The following HEATR9 variants were observed in gnomAD, a reference collection of about 807,000 sequenced individuals.
HEATR9 encodes the protein protein HEATR9.
A neutral mutation model predicts 68.2 loss-of-function variants in HEATR9; 54 were observed. The ratio of observed to expected loss-of-function variants is 0.79; its 90% CI spans 0.64 to 0.99. The LOEUF is 0.99. Ranked by LOEUF, HEATR9 falls within the 50% of genes least tolerant of loss-of-function variation. The pLI is 0.00. For missense variants in HEATR9, 662 were observed against 679.7 expected, an observed-to-expected ratio of 0.97 and a Z score of 0.29; for synonymous variants, 241 against 253.5, an observed-to-expected ratio of 0.95 and a Z score of 0.47.
At chr17:35,863,696 A>G in intron 6 of HEATR9, 137 bp from the exon 7 acceptor site, 21 of 888,568 alleles carry the variant, frequency 2.4e-5, no homozygotes, top group South Asian at 1.5e-4. Flanking sequence ...ATTCTCAAAT[A>G]CAGAATACAG....
At position 35,863,519 on chromosome 17, in the gene HEATR9, C is replaced by T. The variant is rs1380913920; in HGVS notation, c.608G>A (p.Arg203Gln). ...GPEKVKYEAY[R>Q]TLAILGCLNK... ...ATACTCACCCAGGATGGCCAGGGTTCGGTAGGCCTCGTACTTCACTTTCTC... is the reference window on the plus strand; with the variant it reads ...ATACTCACCCAGGATGGCCAGGGTTTGGTAGGCCTCGTACTTCACTTTCTC... The change falls in exon 7 of 15, where the codon CGA (arginine) becomes CAA (glutamine). Residue 203 changes from arginine (R) to glutamine (Q), a missense_variant. By Grantham distance (43) the Arg-to-Gln change is conservative. Transcript: ENST00000604834. The T allele has an allele frequency of 3.7e-6, 6 of 1,614,192 alleles. No homozygotes were observed. The highest frequency in any genetic ancestry group is 2.2e-5 in the South Asian group (2 of 91,086).
chr17:35,859,081 G>A lies in HEATR9; in HGVS notation c.757-11C>T, dbSNP rs765604242. ...CCCGACTTGAGTCCTCTGTGAGGGA[G>A]ACAAAATGGCTAAGGGGAGGGGCTA... On this transcript the variant is annotated splice_polypyrimidine_tract_variant and intron_variant, in intron 8 of 14. Coordinates refer to ENST00000604834, the MANE Select transcript of HEATR9 (RefSeq NM_152781.4). 2.5e-6 allele frequency: 4 copies of A among 1,612,588 alleles called. No individual in the cohort carries two copies. In the South Asian group the frequency reaches 3.3e-5, roughly 13 times the overall value.
Position 35,860,462 on chromosome 17 carries a change from ATTTATTTATTTATTTAT to A in HEATR9, c.757-1409_757-1393del, listed in dbSNP as rs1305035537. Among the ~76,000 whole-genome samples, 327 of 130,112 alleles carry A rather than the reference ATTTATTTATTTATTTAT, an allele frequency of 2.5e-3. 1 individual carries two copies. The highest frequency in any genetic ancestry group is 3.9e-3 in the Middle Eastern group (1 of 256). 85.4% of individuals were successfully genotyped at this position (130,112 alleles called of 152,430 possible). On this transcript the variant is annotated intron_variant, in intron 8 of 14. Coordinates refer to ENST00000604834, the MANE Select transcript of HEATR9 (RefSeq NM_152781.4). ...TCAAAGTCCTTATTTTTATTTATTT[ATTTATTTATTTATTTAT>A]TTTATTTATTTATTTATTTATTTAT...
intron 2 of HEATR9, 121 bp from the exon 3 acceptor site, chr17:35,865,517 CATCTG>C (rs1245572635): frequency 1.5e-6 from 1 of 675,922 alleles, no homozygotes; most frequent in Non-Finnish European, 2.5e-6. Flanking sequence ...TCTAGCCTCT[CATCTG>C]AGCTGGAGTC....
At chr17:35,861,104 C>T in intron 8 of HEATR9, 1 of 1,081,526 alleles carries the variant, frequency 9.2e-7, no homozygotes, top group Non-Finnish European at 1.4e-6. Context: ...TCCACATCCT[C>T]TTGTAACTGT....
chr17:35,866,671 G>C (rs770448908), intron 2 of HEATR9, 53 bp downstream of exon 2: 35 of 1,521,290 alleles, frequency 2.3e-5, no homozygotes, highest in Admixed American at 5.0e-5. Context: ...ATAGTTTGCT[G>C]CCCCTCCTAA....
rs772957164 is a variant in HEATR9 at position 35,855,134 on chromosome 17, G to A, written c.1642C>T (p.Pro548Ser). The A allele has an allele frequency of 1.2e-6, 2 of 1,614,188 alleles. No individual in the cohort carries two copies. The highest frequency in any genetic ancestry group is 1.1e-5 in the South Asian group (1 of 91,076). Residue 548 changes from proline (P) to serine (S), a missense_variant, in exon 15 of 15, where the codon CCA (proline) becomes TCA (serine). Coordinates refer to ENST00000604834, the MANE Select transcript of HEATR9 (RefSeq NM_152781.4). ...GGCTGCCAGGGCCCTATGACCTGTG[G>A]CCTATGTTTTCGTGGTTTCGAGCAG... ...PCCSKPRKHRPQVIGPWQPRI... is the reference protein window; with the variant it reads ...PCCSKPRKHRSQVIGPWQPRI...
chr17:35,863,059 C>T lies in HEATR9; in HGVS notation c.692G>A (p.Arg231Lys). ...TCGTAGCCCCGTCAAAGTCTCCATC[C>T]TTTGACCCTCATTTTTCTCCTTCAG... is the stretch of plus-strand genomic sequence containing the variant. ...KQLKEKNEGQ[R>K]METLTGLRMA... Residue 231 changes from arginine to lysine, a missense_variant, in exon 8 of 15, where the codon AGG becomes AAG. Transcript: ENST00000604834. The T allele has an allele frequency of 6.2e-7, 1 of 1,614,212 alleles. No individual in the cohort carries two copies. The highest frequency in any genetic ancestry group is 8.5e-7 in the Non-Finnish European group (1 of 1,180,040).
In HEATR9 at chr17:35,856,666, C is replaced by G. The variant is rs1264715421; in HGVS notation, c.1226+66G>C. On this transcript the variant is annotated intron_variant, in intron 12 of 14. Coordinates refer to ENST00000604834, the MANE Select transcript of HEATR9 (RefSeq NM_152781.4). ...CCTCTGACCCCTTCCCACTGACCCT[C>G]TCACTGACCCTCTGCCCCCTTCCCA... 1.8e-5 allele frequency: 25 copies of G among 1,409,206 alleles called. 1 individual carries two copies. In the South Asian group the frequency reaches 2.1e-4, roughly 12 times the overall value. 87.3% of individuals were successfully genotyped at this position (1,409,206 alleles called of 1,614,324 possible).
intron 5 of HEATR9, 68 bp from the exon 6 acceptor site, chr17:35,864,370 G>A: frequency 6.6e-7 from 1 of 1,524,512 alleles, no homozygotes; most frequent in Non-Finnish European, 9.1e-7. Flanking sequence ...ACCATTCTCT[G>A]GATACAGCTG....
At chr17:35,860,024 C>G (rs932178324) in intron 8 of HEATR9, among the ~76,000 whole-genome samples, 3 of 152,192 alleles carry the variant, frequency 2.0e-5, no homozygotes, top group African/African-American at 7.2e-5. Context: ...TAGACTATAA[C>G]CATCTATCTA....
chr17:35,855,855 G>A, intron 13 of HEATR9, 105 bp from the exon 14 acceptor site: 1 of 955,158 alleles, frequency 1.0e-6, no homozygotes, highest in South Asian at 1.4e-5. Flanking sequence ...ATAGAGAGGG[G>A]GGAGATAGGG....
intron 1 of HEATR9, 147 bp from the exon 2 acceptor site, chr17:35,866,920 C>A: frequency 4.1e-6 from 3 of 734,554 alleles, no homozygotes; most frequent in South Asian, 3.0e-5. Flanking sequence ...CCAGCCTAGC[C>A]AACATGGTGA....
At position 35,863,046 on chromosome 17, in the gene HEATR9, C is replaced by CA; in HGVS notation, c.704dup (p.Leu235PhefsTer9). ...AGTTAAGAGCCATTCGTAGCCCCGT[C>CA]AAAGTCTCCATCCTTTGACCCTCAT... On this transcript the variant is annotated frameshift_variant, in exon 8 of 15. Transcript: ENST00000604834. LOFTEE classifies it high-confidence loss of function. The CA allele has an allele frequency of 6.2e-7, 1 of 1,614,240 alleles. No individual in the cohort carries two copies. Among genetic ancestry groups the CA allele is most frequent in the East Asian group, 2.2e-5 (1 of 44,894 alleles).
intron 1 of HEATR9, among the ~76,000 whole-genome samples, chr17:35,867,544 T>C (rs923356739): frequency 2.0e-5 from 3 of 151,988 alleles, no homozygotes; most frequent in African/African-American, 7.3e-5. Flanking sequence ...TACCAGATAT[T>C]TCACCAGGCA....
In HEATR9 at chr17:35,859,460, C is replaced by G. The variant is rs533196580; in HGVS notation, c.757-390G>C. On this transcript the variant is annotated intron_variant, in intron 8 of 14. Transcript: ENST00000604834. Reference sequence around the variant, plus strand: ...ATCTCCATTTCATGGATCCCACTCTCTGACCATCACCTCTTTTTCCAGCTC... The same window carrying G: ...ATCTCCATTTCATGGATCCCACTCTGTGACCATCACCTCTTTTTCCAGCTC... Among the ~76,000 whole-genome samples the G allele has an allele frequency of 5.3e-5, 8 of 152,338 alleles. No homozygotes were observed. In the South Asian group the frequency reaches 8.3e-4, roughly 16 times the overall value.
intron 2 of HEATR9, 50 bp downstream of exon 2, chr17:35,866,674 C>T: frequency 3.2e-6 from 5 of 1,545,144 alleles, no homozygotes; most frequent in Non-Finnish European, 4.5e-6. Context: ...GTTTGCTGCC[C>T]CTCCTAACTT....
chr17:35,858,325 G>T lies in HEATR9; in HGVS notation c.1033-6C>A. 1 of 1,614,190 alleles carries T rather than the reference G, an allele frequency of 6.2e-7. No individual in the cohort carries two copies. Reference sequence around the variant, plus strand: ...TGGGTGGCTTCAAAGCGGTCCTGAGGTCGGGGGTGAGGGTTAGTGGGGAGG... The same window carrying T: ...TGGGTGGCTTCAAAGCGGTCCTGAGTTCGGGGGTGAGGGTTAGTGGGGAGG... On this transcript the variant is annotated splice_region_variant and splice_polypyrimidine_tract_variant and intron_variant, in intron 10 of 14. Coordinates refer to ENST00000604834, the MANE Select transcript of HEATR9 (RefSeq NM_152781.4).
In HEATR9 at chr17:35,863,562, A is replaced by G. The variant is rs1179989243; in HGVS notation, c.568-3T>C. ...ACTTTCTCTGGACCAGTTTGGGCCT[A>G]ATTTAAGAGGCGGGTGGTAGGAACA... On this transcript the variant is annotated splice_polypyrimidine_tract_variant and splice_region_variant and intron_variant, in intron 6 of 14. Coordinates refer to ENST00000604834, the MANE Select transcript of HEATR9 (RefSeq NM_152781.4). The G allele has an allele frequency of 6.2e-7, 1 of 1,614,182 alleles. No homozygotes were observed. Among genetic ancestry groups the G allele is most frequent in the Admixed American group, 1.7e-5 (1 of 60,020 alleles).
Sources: allele counts gnomAD v4.1 joint callset (sites outside exome capture counted in the v4.1 genomes callset), GRCh38; gene constraint gnomAD v4.1.1; transcripts MANE v1.5; gene names NCBI Gene and HGNC (gene_info 2026-07-23, HGNC 2026-07-21).